The following NRG3 variants were observed in gnomAD, a reference collection of about 807,000 sequenced individuals.
NRG3 encodes the protein neuregulin 3, also known as pro-neuregulin-3, membrane-bound isoform.
Under a neutral mutation model 66.9 loss-of-function variants are expected in NRG3, and 31 were observed. The ratio of observed to expected loss-of-function variants is 0.46; its 90% CI spans 0.35 to 0.63. The LOEUF (loss-of-function observed/expected upper bound fraction) is 0.63, where lower values mean the gene tolerates loss of function less well. Among genes scored for constraint, NRG3 ranks in the 20% least tolerant of loss-of-function variants. NRG3 has a pLI of 0.00. For synonymous variants in NRG3, 393 were observed against 359.4 expected, an observed-to-expected ratio of 1.09 and a Z score of -1.06; for missense variants, 910 against 878.9, an observed-to-expected ratio of 1.04 and a Z score of -0.45.
chr10:82,376,364 T>G lies in NRG3; in HGVS notation c.953+17496T>G, dbSNP rs547020242. Among the ~76,000 whole-genome samples, 5 of 152,332 alleles carry G rather than the reference T, an allele frequency of 3.3e-5. No individual in the cohort carries two copies. The East Asian group carries it at 9.6e-4, about 29-fold the overall frequency. ...ATGGGTAGCCCTGGTTGAGAATCCC[T>G]GCTCTACTCTTCTGCCACAGGCCTC... On this transcript the variant is annotated intron_variant, in intron 2 of 8. Transcript: ENST00000372141.
At chr10:82,729,985 G>C (rs2644207) in intron 2 of NRG3, among the ~76,000 whole-genome samples, 6 of 151,974 alleles carry the variant, frequency 3.9e-5, no homozygotes, top group Admixed American at 2.6e-4. Flanking sequence ...AAATTCACAC[G>C]TAAAAACCAT....
At chr10:82,326,624 T>C (rs1041498754) in intron 1 of NRG3, among the ~76,000 whole-genome samples, 2 of 152,182 alleles carry the variant, frequency 1.3e-5, no homozygotes, top group Non-Finnish European at 2.9e-5. Flanking sequence ...TCTATTGCTA[T>C]GTACCCAAGA....
intron 1 of NRG3, among the ~76,000 whole-genome samples, chr10:82,349,606 C>A (rs2083278854): frequency 6.6e-6 from 1 of 152,100 alleles, no homozygotes; most frequent in South Asian, 2.1e-4. Context: ...GTTCGAGCTT[C>A]CCGGCTGCTT....
chr10:82,846,926 G>C (rs1039076), intron 3 of NRG3, among the ~76,000 whole-genome samples: 39,548 of 152,048 alleles, frequency 0.26, 5,375 homozygotes, highest in Non-Finnish European at 0.31. Context: ...GCAAGAGCCA[G>C]AAAACTCAAT....
intron 2 of NRG3, among the ~76,000 whole-genome samples, chr10:82,386,139 A>G (rs2085972015): frequency 6.6e-6 from 1 of 152,168 alleles, no homozygotes. Context: ...TCTCTGGTCT[A>G]GAATAAGTCT....
At position 82,919,057 on chromosome 10, in the gene NRG3, G is replaced by A. The variant is rs1846152284; in HGVS notation, c.1055-32412G>A. Among the ~76,000 whole-genome samples the A allele has an allele frequency of 3.6e-5, 5 of 138,412 alleles. No homozygotes were observed. In the Admixed American group the frequency reaches 3.8e-4, roughly 10 times the overall value. The allele number at this position is 138,412 out of a possible 152,430, so 90.8% of individuals were successfully genotyped here. On this transcript the variant is annotated intron_variant, in intron 4 of 8. Transcript: ENST00000372141. The stretch of plus-strand genomic sequence containing the variant: ...TTATCTGGTAGGTAAGCTGAATAGG[G>A]GTGGAGTGTGTGTGTGTGTGTGTGT...
At chr10:81,995,424 A>T (rs1157417486) in intron 1 of NRG3, among the ~76,000 whole-genome samples, 1 of 152,090 alleles carries the variant, frequency 6.6e-6, no homozygotes, top group Non-Finnish European at 1.5e-5. Context: ...GCCGGAATGC[A>T]TGTTTACTAT....
At chr10:82,632,268 C>A (rs189868776) in intron 2 of NRG3, among the ~76,000 whole-genome samples, 1 of 152,070 alleles carries the variant, frequency 6.6e-6, no homozygotes, top group Non-Finnish European at 1.5e-5. Flanking sequence ...TTGGGCATAT[C>A]GTATACTCTG....
At chr10:82,799,257 G>A (rs574426497) in intron 3 of NRG3, among the ~76,000 whole-genome samples, 3 of 152,210 alleles carry the variant, frequency 2.0e-5, no homozygotes, top group African/African-American at 7.2e-5. Context: ...GCTGGGTGCG[G>A]TGGCTCACAC....
intron 2 of NRG3, among the ~76,000 whole-genome samples, chr10:82,379,924 AAG>A (rs2085501255): frequency 6.6e-6 from 1 of 151,324 alleles, no homozygotes; most frequent in South Asian, 2.1e-4. Flanking sequence ...AAAAAAAAAA[AAG>A]AAAAAAAGGA....
intron 4 of NRG3, among the ~76,000 whole-genome samples, chr10:82,932,716 C>T (rs1375694845): frequency 6.6e-6 from 1 of 152,208 alleles, no homozygotes; most frequent in African/African-American, 2.4e-5. Flanking sequence ...TTTACACAAA[C>T]TGAACAAATC....
At chr10:82,289,501 G>T (rs1002166351) in intron 1 of NRG3, among the ~76,000 whole-genome samples, 1 of 149,368 alleles carries the variant, frequency 6.7e-6, no homozygotes, top group Non-Finnish European at 1.5e-5. Context: ...TAGTAGATTA[G>T]ATTGAAGTTT....
intron 1 of NRG3, among the ~76,000 whole-genome samples, chr10:82,329,490 C>T (rs1353164445): frequency 7.3e-6 from 1 of 136,560 alleles, no homozygotes; most frequent in Non-Finnish European, 1.5e-5. Flanking sequence ...AATTACATTT[C>T]AGGGGCACAT....
chr10:81,938,647 A>ATGTGTGTG (rs766914179), intron 1 of NRG3, among the ~76,000 whole-genome samples: 2,474 of 113,062 alleles, frequency 0.022, 57 homozygotes, highest in East Asian at 0.096. Context: ...GTGTGCATGC[A>ATGTGTGTG]TGCATGCATG....
chr10:82,791,337 C>A (rs375283332), intron 3 of NRG3, among the ~76,000 whole-genome samples: 1 of 149,024 alleles, frequency 6.7e-6, no homozygotes, highest in East Asian at 2.0e-4. Flanking sequence ...TGGTAACTTT[C>A]CTGGAATAAT....
intron 2 of NRG3, among the ~76,000 whole-genome samples, chr10:82,701,337 C>T (rs528213300): frequency 2.6e-5 from 4 of 151,998 alleles, no homozygotes; most frequent in Non-Finnish European, 5.9e-5. Flanking sequence ...TTTTATTTTC[C>T]CTTTACTTTA....
At chr10:81,976,782 T>A (rs933062923) in intron 1 of NRG3, among the ~76,000 whole-genome samples, 48 of 152,300 alleles carry the variant, frequency 3.2e-4, no homozygotes, top group Non-Finnish European at 6.3e-4. Flanking sequence ...TGAGCTAATT[T>A]CTATTGGACA....
At chr10:82,646,618 T>G (rs1299496477) in intron 2 of NRG3, among the ~76,000 whole-genome samples, 2 of 152,198 alleles carry the variant, frequency 1.3e-5, no homozygotes, top group Admixed American at 1.3e-4. Flanking sequence ...TAAGACAGAT[T>G]TTATTCATAT....
At chr10:82,437,818 C>A (rs969159263) in intron 2 of NRG3, among the ~76,000 whole-genome samples, 1 of 152,128 alleles carries the variant, frequency 6.6e-6, no homozygotes, top group Non-Finnish European at 1.5e-5. Context: ...TATAGGGCTG[C>A]TGCAGTTTGC....
Sources: gnomAD v4.1 joint callset for allele counts (sites outside exome capture counted in the v4.1 genomes callset) on GRCh38, gnomAD v4.1.1 for gene constraint, MANE v1.5 for transcripts, NCBI Gene and HGNC (gene_info 2026-07-23, HGNC 2026-07-21) for gene names.